Variants in KCNH5 observed in about 807,000 individuals in gnomAD.
KCNH5 encodes voltage-gated delayed rectifier potassium channel KCNH5.
Under a neutral mutation model 96.1 loss-of-function variants are expected in KCNH5, and 46 were observed. The ratio of observed to expected loss-of-function variants is 0.48; its 90% confidence interval spans 0.38 to 0.61. The LOEUF (loss-of-function observed/expected upper bound fraction) is 0.61. KCNH5 is among the 20% of genes least tolerant of loss of function. The pLI is 0.00. For synonymous variants in KCNH5, 439 were observed against 449.8 expected (o/e 0.98, Z 0.30); for missense variants, 907 against 1,225.8 (o/e 0.74, Z 3.88).
At chr14:62,957,997 G>T (rs1042810111) in intron 6 of KCNH5, among the ~76,000 whole-genome samples, 1 of 152,188 alleles carries the variant, frequency 6.6e-6, no homozygotes, top group Admixed American at 6.5e-5. Context: ...TGATAAAAAT[G>T]TAAGAAAAGT....
chr14:62,720,041 G>A (rs775036751), intron 10 of KCNH5, among the ~76,000 whole-genome samples: 1 of 152,178 alleles, frequency 6.6e-6, no homozygotes, highest in Non-Finnish European at 1.5e-5. Context: ...GAAAAATAAA[G>A]TATAAGGACA....
At chr14:62,915,602 TAGCAGGACCCC>T (rs1167915240) in intron 7 of KCNH5, among the ~76,000 whole-genome samples, 5 of 152,192 alleles carry the variant, frequency 3.3e-5, no homozygotes, top group Non-Finnish European at 7.3e-5. Flanking sequence ...ACTGAATACA[TAGCAGGACCCC>T]AATTTACATT....
chr14:62,961,922 G>GAGATGGAGATGC (rs958554338), intron 6 of KCNH5, among the ~76,000 whole-genome samples: 7 of 151,652 alleles, frequency 4.6e-5, no homozygotes, highest in Non-Finnish European at 8.8e-5. Flanking sequence ...GATGGAGATG[G>GAGATGGAGATGC]AGATGGAGAT....
At chr14:62,814,338 T>C (rs1030648598) in intron 8 of KCNH5, among the ~76,000 whole-genome samples, 1 of 152,230 alleles carries the variant, frequency 6.6e-6, no homozygotes, top group African/African-American at 2.4e-5. Context: ...TGATGAAATT[T>C]AGAGCTTCTA....
chr14:62,890,577 T>C (rs1888689032), intron 7 of KCNH5, among the ~76,000 whole-genome samples: 1 of 151,360 alleles, frequency 6.6e-6, no homozygotes, highest in South Asian at 2.1e-4. Context: ...CAGGCGCCTG[T>C]AGTCCCAGCT....
intron 1 of KCNH5, among the ~76,000 whole-genome samples, chr14:63,035,029 A>C: frequency 6.6e-6 from 1 of 152,316 alleles, no homozygotes; most frequent in Admixed American, 6.5e-5. Flanking sequence ...CCCTGATATA[A>C]TGATAACATT....
chr14:62,803,006 C>T (rs1394850289), intron 8 of KCNH5, among the ~76,000 whole-genome samples: 1 of 152,092 alleles, frequency 6.6e-6, no homozygotes, highest in Admixed American at 6.6e-5. Context: ...CAAAAATTAG[C>T]TGGCCGTGGT....
chr14:62,903,264 C>A (rs1888963942), intron 7 of KCNH5, among the ~76,000 whole-genome samples: 1 of 152,050 alleles, frequency 6.6e-6, no homozygotes, highest in Non-Finnish European at 1.5e-5. Context: ...TCACCACTAC[C>A]CACACACACA....
intron 7 of KCNH5, among the ~76,000 whole-genome samples, chr14:62,946,332 A>G (rs1889886064): frequency 6.6e-6 from 1 of 152,150 alleles, no homozygotes; most frequent in Non-Finnish European, 1.5e-5. Context: ...TATGAAAAAT[A>G]TAACTGTGCT....
intron 8 of KCNH5, among the ~76,000 whole-genome samples, chr14:62,830,132 T>G (rs1887312068): frequency 6.6e-6 from 1 of 152,196 alleles, no homozygotes; most frequent in South Asian, 2.1e-4. Flanking sequence ...TTCCCAATAA[T>G]TTCCTCATCT....
At chr14:62,945,260 A>T (rs1889864508) in intron 7 of KCNH5, among the ~76,000 whole-genome samples, 3 of 152,156 alleles carry the variant, frequency 2.0e-5, no homozygotes, top group Non-Finnish European at 4.4e-5. Context: ...TAGGCCGATA[A>T]GACACGGGGT....
At chr14:62,923,214 A>C (rs1267921937) in intron 7 of KCNH5, among the ~76,000 whole-genome samples, 1 of 151,936 alleles carries the variant, frequency 6.6e-6, no homozygotes, top group African/African-American at 2.4e-5. Context: ...AAGCAATCCC[A>C]TTCACAATAG....
At chr14:62,849,100 A>G (rs554116254) in intron 8 of KCNH5, among the ~76,000 whole-genome samples, 2 of 152,336 alleles carry the variant, frequency 1.3e-5, no homozygotes, top group East Asian at 3.9e-4. Flanking sequence ...GATTAGAGAT[A>G]CCAGATGATT....
intron 7 of KCNH5, among the ~76,000 whole-genome samples, chr14:62,911,948 G>A (rs774549149): frequency 1.2e-4 from 18 of 147,142 alleles, no homozygotes; most frequent in Non-Finnish European, 1.9e-4. Context: ...TGAGGCAGGA[G>A]AATTGCTTGA....
chr14:63,000,904 G>A (rs1890998576), intron 4 of KCNH5, among the ~76,000 whole-genome samples: 1 of 152,034 alleles, frequency 6.6e-6, no homozygotes, highest in South Asian at 2.1e-4. Flanking sequence ...GCGAAACCCT[G>A]ACTCTATAAA....
chr14:62,742,564 T>C lies in KCNH5; in HGVS notation c.2020-34109A>G, dbSNP rs1220953759. ...GAATCTCTAGGGCTGAGGCCCATTG[T>C]ATTTTATTCAAAGTTCCCCAGGTGA... On this transcript the variant is annotated intron_variant, in intron 10 of 10. Transcript: ENST00000322893. Among the ~76,000 whole-genome samples the C allele has an allele frequency of 3.3e-5, 5 of 152,370 alleles. No individual in the cohort carries two copies. The East Asian group carries it at 7.7e-4, about 24-fold the overall frequency.
At chr14:62,761,948 C>G (rs957992934) in intron 10 of KCNH5, among the ~76,000 whole-genome samples, 1 of 152,126 alleles carries the variant, frequency 6.6e-6, no homozygotes, top group East Asian at 1.9e-4. Flanking sequence ...TGCCAAGCAC[C>G]AGTACTCATT....
chr14:62,715,868 G>T (rs540415805), intron 10 of KCNH5, among the ~76,000 whole-genome samples: 1 of 152,224 alleles, frequency 6.6e-6, no homozygotes, highest in South Asian at 2.1e-4. Flanking sequence ...GGAAAGGAGG[G>T]ATAGGGAAGG....
chr14:62,846,852 G>GT (rs1271944318), intron 8 of KCNH5, among the ~76,000 whole-genome samples: 3 of 127,668 alleles, frequency 2.3e-5, no homozygotes, highest in African/African-American at 8.8e-5. Context: ...CCAGGCTGGA[G>GT]TGCAGTGGTG....
Sources: gnomAD v4.1 joint callset for allele counts (sites outside exome capture counted in the v4.1 genomes callset) on GRCh38, gnomAD v4.1.1 for gene constraint, MANE v1.5 for transcripts, NCBI Gene and HGNC (gene_info 2026-07-23, HGNC 2026-07-21) for gene names.